The following RAB37 variants were observed in gnomAD, a reference collection of about 807,000 sequenced individuals.
RAB37 encodes ras-related protein Rab-37.
RAB37 carries 29 observed loss-of-function variants against 33.1 expected under a neutral mutation model. The observed-to-expected ratio is 0.88, with a 90% CI of 0.65 to 1.20. The LOEUF is 1.20. Among genes scored for constraint, RAB37 ranks in the 50% most tolerant of loss-of-function variants. The pLI is 0.00. For missense variants in RAB37, 299 were observed against 301.1 expected, an observed-to-expected ratio of 0.99 and a Z score of 0.05; for synonymous variants, 128 against 119.5, an observed-to-expected ratio of 1.07 and a Z score of -0.47.
At chr17:74,727,257 G>A (rs950952092) in intron 1 of RAB37, among the ~76,000 whole-genome samples, 1 of 152,238 alleles carries the variant, frequency 6.6e-6, no homozygotes, top group Non-Finnish European at 1.5e-5. Flanking sequence ...TATGGACATT[G>A]TGTTAGTCCC....
intron 1 of RAB37, chr17:74,677,486 T>G (rs1182531281): frequency 6.6e-6 from 1 of 152,206 alleles, no homozygotes; most frequent in Non-Finnish European, 1.5e-5. Flanking sequence ...ATCCATGCCC[T>G]GTAAGTGAAG....
At chr17:74,735,337 C>A (rs554522168), upstream of RAB37, among the ~76,000 whole-genome samples, 9 of 152,112 alleles carry the variant, frequency 5.9e-5, no homozygotes, top group African/African-American at 2.2e-4. Flanking sequence ...GTCAGCAGTT[C>A]CAAACCAGCC....
At chr17:74,733,009 A>G (rs1010965470), upstream of RAB37, among the ~76,000 whole-genome samples, 3 of 151,822 alleles carry the variant, frequency 2.0e-5, no homozygotes, top group East Asian at 5.8e-4. Context: ...TCTGGAGGCA[A>G]TAAGAGGTGT....
chr17:74,743,338 AG>A lies in RAB37; in HGVS notation c.366+1del. ...ITNKSSFDNIRAWLTEIHEYA... is the reference protein window; with the variant it reads ...ITNKSSFDNIXAWLTEIHEYA... ...CAACAAATCTTCTTTCGACAACATC[AG>A]GGTAGGTCCTCCCTTCCCCTGACTC... On this transcript the variant is annotated frameshift_variant and splice_region_variant, in exon 5 of 9. Transcript: ENST00000392613. LOFTEE classifies it high-confidence loss of function. 1 of 1,614,038 alleles carries A rather than the reference AG, an allele frequency of 6.2e-7. No homozygotes were observed. The highest frequency in any genetic ancestry group is 8.5e-7 in the Non-Finnish European group (1 of 1,179,980).
intron 1 of RAB37, among the ~76,000 whole-genome samples, chr17:74,700,505 C>T (rs2032949388): frequency 6.6e-6 from 1 of 152,144 alleles, no homozygotes; most frequent in Non-Finnish European, 1.5e-5. Flanking sequence ...CTTTGGGAGG[C>T]CGAGGCAGGC....
intron 1 of RAB37, among the ~76,000 whole-genome samples, chr17:74,714,633 C>G (rs935846491): frequency 6.6e-6 from 1 of 152,112 alleles, no homozygotes; most frequent in Non-Finnish European, 1.5e-5. Context: ...CCTGAGGAAA[C>G]CAGTTCATTG....
Position 74,671,500 on chromosome 17 carries a change from G to A in RAB37, c.-87G>A, listed in dbSNP as rs746239933. On this transcript the variant is annotated 5_prime_UTR_variant, in exon 1 of 8. Transcript: ENST00000340415. The surrounding 1 kb of genome is among the most constrained non-coding windows in gnomAD (Gnocchi z 5.0). Reference sequence around the variant, plus strand: ...GCCCGCAGAGCTCAGACCCAAGCCTGCCGCACCCAGCGGAGCTCGAACCGA... The same window carrying A: ...GCCCGCAGAGCTCAGACCCAAGCCTACCGCACCCAGCGGAGCTCGAACCGA... 1.3e-4 allele frequency: 169 copies of A among 1,302,314 alleles called. 1 individual carries two copies. Among genetic ancestry groups the A allele is most frequent in the Middle Eastern group, 2.1e-4 (1 of 4,744 alleles). 80.7% of individuals were successfully genotyped at this position (1,302,314 alleles called of 1,614,324 possible).
intron 1 of RAB37, among the ~76,000 whole-genome samples, chr17:74,706,765 G>T (rs189279647): frequency 1.3e-5 from 2 of 152,216 alleles, no homozygotes; most frequent in Admixed American, 6.5e-5. Flanking sequence ...CTGGGAAGGG[G>T]TGAGGACCAC....
chr17:74,700,531 G>A (rs577262918), intron 1 of RAB37, among the ~76,000 whole-genome samples: 8 of 152,028 alleles, frequency 5.3e-5, no homozygotes, highest in South Asian at 2.1e-4. Flanking sequence ...ACATGAGGTC[G>A]GGAGTTCGAG....
rs1363034535 is a variant in RAB37 at position 74,730,584 on chromosome 17, G to A, written c.183+1218G>A. On this transcript the variant is annotated intron_variant, in intron 2 of 7. Coordinates refer to the RAB37 transcript ENST00000340415. This position sits in a 1 kb window ranked among gnomAD's most constrained non-coding sequence, Gnocchi z 4.4. The stretch of plus-strand genomic sequence containing the variant: ...CTGAATAGGGAAGGGCTGAGACCCA[G>A]GAGGCCAAGGCTACCTGGCAATCCC... Among the ~76,000 whole-genome samples, 2 of 152,142 alleles carry A rather than the reference G, an allele frequency of 1.3e-5. No individual in the cohort carries two copies. Among genetic ancestry groups the A allele is most frequent in the Non-Finnish European group, 2.9e-5 (2 of 68,014 alleles).
At chr17:74,691,502 C>T (rs1303174406) in intron 1 of RAB37, among the ~76,000 whole-genome samples, 4 of 152,102 alleles carry the variant, frequency 2.6e-5, no homozygotes, top group Non-Finnish European at 4.4e-5. Flanking sequence ...TTGACTAAGG[C>T]AACCAAAAGG....
intron 1 of RAB37, among the ~76,000 whole-genome samples, chr17:74,724,320 T>C (rs927403076): frequency 6.6e-6 from 1 of 152,232 alleles, no homozygotes; most frequent in Non-Finnish European, 1.5e-5. Flanking sequence ...CACAGATAGT[T>C]GCATTCTTTT....
upstream of RAB37, among the ~76,000 whole-genome samples, chr17:74,732,749 TGAG>T (rs2034407311): frequency 1.4e-5 from 1 of 72,386 alleles, no homozygotes; most frequent in Non-Finnish European, 3.2e-5. Context: ...GTGTGTGTGA[TGAG>T]GTGTGTGGTG....
At chr17:74,726,215 A>G (rs977056389) in intron 1 of RAB37, among the ~76,000 whole-genome samples, 19 of 148,804 alleles carry the variant, frequency 1.3e-4, no homozygotes, top group African/African-American at 4.8e-4. Context: ...AGCCTGGGCG[A>G]CAGAGAGAGA....
chr17:74,736,949 C>A (rs2034485201), upstream of RAB37: 1 of 1,522,286 alleles, frequency 6.6e-7, no homozygotes, highest in Non-Finnish European at 8.8e-7. Context: ...CAGACGGGGT[C>A]CCCGCGGCCC....
At chr17:74,734,844 A>G (rs1452398750), upstream of RAB37, among the ~76,000 whole-genome samples, 1 of 151,514 alleles carries the variant, frequency 6.6e-6, no homozygotes, top group Non-Finnish European at 1.5e-5. Flanking sequence ...CTCCACCTCA[A>G]GAAAGAAACA....
chr17:74,745,476 G>A lies in RAB37; in HGVS notation c.*65G>A, dbSNP rs1721302981. ...ATGCAGCCTTCCCCCTCCCAGGCCT[G>A]GCTTATTCCAAGAGGCTGAGCCAAT... On this transcript the variant is annotated 3_prime_UTR_variant, in exon 9 of 9. Coordinates refer to ENST00000392613, the MANE Select transcript of RAB37 (RefSeq NM_001006638.3). This position sits in a 1 kb window ranked among gnomAD's most constrained non-coding sequence, Gnocchi z 4.5. 7.3e-7 allele frequency: 1 copy of A among 1,363,464 alleles called. No homozygotes were observed. 84.5% of individuals were successfully genotyped at this position (1,363,464 alleles called of 1,614,324 possible). A position where few individuals can be genotyped will look rare whatever the true frequency, so the allele number is the denominator to read the frequency against.
At chr17:74,711,995 C>T (rs1357443990) in intron 1 of RAB37, among the ~76,000 whole-genome samples, 1 of 149,964 alleles carries the variant, frequency 6.7e-6, no homozygotes, top group Non-Finnish European at 1.5e-5. Context: ...GCCTCCAACT[C>T]CTGGGCTCAA....
chr17:74,689,305 TGG>T (rs2032115943), intron 1 of RAB37, among the ~76,000 whole-genome samples: 1 of 151,962 alleles, frequency 6.6e-6, no homozygotes, highest in Non-Finnish European at 1.5e-5. Flanking sequence ...TAGCCAGGCA[TGG>T]TGGCACATGC....
Sources: gnomAD v4.1 joint callset for allele counts (sites outside exome capture counted in the v4.1 genomes callset) on GRCh38, gnomAD v4.1.1 for gene constraint, Gnocchi (gnomAD v3.1) non-coding constraint, MANE v1.5 for transcripts, NCBI Gene and HGNC (gene_info 2026-07-23, HGNC 2026-07-21) for gene names.